Variants in KAZN observed in about 807,000 individuals in gnomAD.
KAZN encodes kazrin, periplakin interacting protein, also known as kazrin.
A neutral mutation model predicts 87.4 loss-of-function variants in KAZN; 40 were observed. That is an observed-to-expected ratio of 0.46 (90% CI 0.36 to 0.60). KAZN has a LOEUF of 0.60. Ranked by LOEUF, KAZN falls within the 20% of genes least tolerant of loss-of-function variation. KAZN has a pLI of 0.00. For missense variants in KAZN, 898 were observed against 1,073.9 expected (o/e 0.84, Z 2.29); for synonymous variants, 466 against 458.3 (o/e 1.02, Z -0.22).
chr1:14,167,589 G>T (rs986004265), intron 1 of KAZN, among the ~76,000 whole-genome samples: 1 of 152,120 alleles, frequency 6.6e-6, no homozygotes, highest in Admixed American at 6.5e-5. Context: ...CAGGCATCGT[G>T]GCAGACACCT....
At position 15,046,504 on chromosome 1, in the gene KAZN, T is replaced by C. The variant is rs531988799; in HGVS notation, c.726+2345T>C. On this transcript the variant is annotated intron_variant, in intron 4 of 14. Coordinates refer to ENST00000376030, the MANE Select transcript of KAZN (RefSeq NM_201628.3). ...TAATCAGACCCACGCACCCATGCCGTCCAAACCCACGTTGTTCAAGAGTGG... is the reference window on the plus strand; with the variant it reads ...TAATCAGACCCACGCACCCATGCCGCCCAAACCCACGTTGTTCAAGAGTGG... Among the ~76,000 whole-genome samples the C allele has an allele frequency of 3.9e-5, 6 of 152,170 alleles. No individual in the cohort carries two copies. In the South Asian group the frequency reaches 1.2e-3, roughly 32 times the overall value.
intron 2 of KAZN, among the ~76,000 whole-genome samples, chr1:14,255,292 T>C (rs532870021): frequency 1.8e-3 from 277 of 152,168 alleles, no homozygotes; most frequent in African/African-American, 6.3e-3. Flanking sequence ...CCACAAGGGA[T>C]CCATCCCTAT....
chr1:14,283,033 G>A (rs1271036794), intron 2 of KAZN, among the ~76,000 whole-genome samples: 3 of 152,186 alleles, frequency 2.0e-5, no homozygotes. Context: ...CAGAATGGAA[G>A]CATTCGCAGA....
intron 1 of KAZN, among the ~76,000 whole-genome samples, chr1:14,872,955 G>GATCT (rs1652317406): frequency 6.6e-6 from 1 of 151,424 alleles, no homozygotes; most frequent in South Asian, 2.1e-4. Context: ...TGGATGGATG[G>GATCT]ATGGATGGAT....
At chr1:14,510,578 C>T (rs1180230921) in intron 2 of KAZN, among the ~76,000 whole-genome samples, 1 of 152,170 alleles carries the variant, frequency 6.6e-6, no homozygotes, top group African/African-American at 2.4e-5. Flanking sequence ...AGTGAGCTCT[C>T]TCAGGAATTG....
chr1:14,732,751 T>C (rs926307298), intron 1 of KAZN, among the ~76,000 whole-genome samples: 5 of 152,204 alleles, frequency 3.3e-5, no homozygotes, highest in African/African-American at 1.2e-4. Flanking sequence ...GTAAGTTGTT[T>C]GGCCCTACCT....
intron 1 of KAZN, among the ~76,000 whole-genome samples, chr1:14,092,411 GAA>G (rs1644019432): frequency 6.7e-6 from 1 of 149,774 alleles, no homozygotes; most frequent in African/African-American, 2.4e-5. Context: ...TTAACAATAA[GAA>G]ATATATAATT....
intron 2 of KAZN, among the ~76,000 whole-genome samples, chr1:14,416,419 C>T (rs1257272997): frequency 2.0e-5 from 3 of 152,156 alleles, no homozygotes; most frequent in African/African-American, 4.8e-5. Flanking sequence ...AATTAGAGAA[C>T]ATTTGCCTTG....
At chr1:14,212,072 C>T (rs118141580) in intron 2 of KAZN, among the ~76,000 whole-genome samples, 98 of 152,290 alleles carry the variant, frequency 6.4e-4, no homozygotes, top group East Asian at 2.1e-3. Flanking sequence ...GAATGGTCCA[C>T]GGCTTTCACT....
intron 1 of KAZN, among the ~76,000 whole-genome samples, chr1:14,805,804 T>TAAA (rs869228653): frequency 2.4e-4 from 30 of 126,014 alleles, no homozygotes; most frequent in African/African-American, 7.2e-4. Context: ...ATAATAATAA[T>TAAA]AAATTAAAAT....
chr1:14,514,342 AT>A (rs1220848627), intron 2 of KAZN, among the ~76,000 whole-genome samples: 2 of 26,976 alleles, frequency 7.4e-5, no homozygotes, highest in African/African-American at 3.4e-4. Context: ...TTATATATAT[AT>A]TTATATATAT....
chr1:14,763,202 A>C (rs1363776465), intron 1 of KAZN, among the ~76,000 whole-genome samples: 7 of 152,242 alleles, frequency 4.6e-5, no homozygotes, highest in African/African-American at 1.7e-4. Flanking sequence ...ACCATTCTGC[A>C]TGCTGAAGGC....
At chr1:14,864,545 G>C (rs1651233963) in intron 1 of KAZN, among the ~76,000 whole-genome samples, 1 of 152,194 alleles carries the variant, frequency 6.6e-6, no homozygotes, top group South Asian at 2.1e-4. Flanking sequence ...GGGGGCGATA[G>C]ATGGAGACTC....
At chr1:15,070,981 A>G (rs1348606204) in intron 8 of KAZN, among the ~76,000 whole-genome samples, 1 of 152,128 alleles carries the variant, frequency 6.6e-6, no homozygotes, top group East Asian at 1.9e-4. Flanking sequence ...CCTGGCCCCC[A>G]CCTGTTCCCA....
intron 2 of KAZN, among the ~76,000 whole-genome samples, chr1:14,365,869 G>A (rs541407170): frequency 6.6e-6 from 1 of 151,990 alleles, no homozygotes; most frequent in East Asian, 1.9e-4. Flanking sequence ...ATAAAGTGTA[G>A]ATAGATATTC....
chr1:14,486,130 T>C (rs1669341216), intron 2 of KAZN, among the ~76,000 whole-genome samples: 1 of 152,180 alleles, frequency 6.6e-6, no homozygotes, highest in South Asian at 2.1e-4. Flanking sequence ...TCGCCTGCCC[T>C]GCATCATTTA....
At chr1:14,871,254 C>T (rs1034941303) in intron 1 of KAZN, among the ~76,000 whole-genome samples, 6 of 152,174 alleles carry the variant, frequency 3.9e-5, no homozygotes, top group African/African-American at 1.4e-4. Flanking sequence ...TGGGGAATTG[C>T]CCAATCAGCT....
At chr1:14,993,534 T>C (rs982398459) in intron 2 of KAZN, among the ~76,000 whole-genome samples, 1 of 151,942 alleles carries the variant, frequency 6.6e-6, no homozygotes, top group African/African-American at 2.4e-5. Context: ...GCGGAAAGAA[T>C]TCTACCAAGA....
intron 1 of KAZN, among the ~76,000 whole-genome samples, chr1:14,080,247 G>A (rs905818568): frequency 1.4e-5 from 1 of 72,544 alleles, no homozygotes; most frequent in African/African-American, 5.2e-5. Context: ...TGAAGAGGTG[G>A]CTTAGAGCTC....
Sources: gnomAD v4.1 joint callset for allele counts (sites outside exome capture counted in the v4.1 genomes callset) on GRCh38, gnomAD v4.1.1 for gene constraint, MANE v1.5 for transcripts, NCBI Gene and HGNC (gene_info 2026-07-23, HGNC 2026-07-21) for gene names.